Variants in KAT6B observed in about 807,000 individuals in gnomAD.
The protein encoded by KAT6B is histone acetyltransferase KAT6B.
In KAT6B, 10 loss-of-function variants were observed where a neutral mutation model predicts 187.5. The ratio of observed to expected loss-of-function variants is 0.05; its 90% CI spans 0.03 to 0.09. The LOEUF (loss-of-function observed/expected upper bound fraction) is 0.09, where lower values mean the gene tolerates loss of function less well. Ranked by LOEUF, KAT6B falls within the 10% of genes least tolerant of loss-of-function variation. The pLI, the probability that KAT6B is intolerant of heterozygous loss-of-function variation, is 1.00. For missense variants in KAT6B, 1,952 were observed against 2,558.9 expected (o/e 0.76, Z 5.12); for synonymous variants, 861 against 926.8 (o/e 0.93, Z 1.29).
intron 3 of KAT6B, among the ~76,000 whole-genome samples, chr10:74,875,630 T>C (rs1209896681): frequency 6.6e-6 from 1 of 152,050 alleles, no homozygotes; most frequent in Non-Finnish European, 1.5e-5. Context: ...CACACCCGGC[T>C]AATTTTTGTA....
intron 3 of KAT6B, among the ~76,000 whole-genome samples, chr10:74,847,834 G>C (rs1842212043): frequency 6.6e-6 from 1 of 151,814 alleles, no homozygotes; most frequent in Non-Finnish European, 1.5e-5. Context: ...AAATGAACTT[G>C]GGTGGGTATC....
At chr10:74,902,734 CTG>C (rs1055753325) in intron 3 of KAT6B, among the ~76,000 whole-genome samples, 1 of 152,166 alleles carries the variant, frequency 6.6e-6, no homozygotes, top group African/African-American at 2.4e-5. Context: ...ACGTTAAAAA[CTG>C]TGGTAATTTG....
chr10:75,018,904 C>A (rs909881935), intron 13 of KAT6B, among the ~76,000 whole-genome samples: 1 of 152,132 alleles, frequency 6.6e-6, no homozygotes, highest in East Asian at 1.9e-4. Context: ...AAAGCTGGGA[C>A]CCCCCAGCCT....
intron 1 of KAT6B, among the ~76,000 whole-genome samples, chr10:74,831,363 T>C (rs1318069742): frequency 6.6e-6 from 1 of 152,222 alleles, no homozygotes; most frequent in Non-Finnish European, 1.5e-5. Context: ...TTAGTGCCTT[T>C]TGTGTCTTGT....
chr10:74,917,961 C>T (rs1847817922), intron 3 of KAT6B, among the ~76,000 whole-genome samples: 2 of 152,120 alleles, frequency 1.3e-5, no homozygotes, highest in Non-Finnish European at 2.9e-5. Context: ...TTTTTCATTA[C>T]TTTTTATTAA....
intron 3 of KAT6B, among the ~76,000 whole-genome samples, chr10:74,919,421 A>G (rs1320752141): frequency 6.6e-6 from 1 of 151,772 alleles, no homozygotes; most frequent in Non-Finnish European, 1.5e-5. Flanking sequence ...TTTTTTTGAG[A>G]TGAAGTCTTG....
intron 11 of KAT6B, chr10:74,982,161 A>C (rs966590058): frequency 2.9e-5 from 14 of 491,042 alleles, no homozygotes; most frequent in African/African-American, 3.9e-5. Flanking sequence ...TGTCTTCCCC[A>C]AAATCCCTGT....
chr10:74,872,622 C>T (rs1052560972), intron 3 of KAT6B, among the ~76,000 whole-genome samples: 2 of 152,098 alleles, frequency 1.3e-5, no homozygotes, highest in African/African-American at 2.4e-5. Context: ...AAGCGATCCT[C>T]CCACCTCAGG....
rs534370638 is a variant in KAT6B at position 75,029,295 on chromosome 10, G to A, written c.4471G>A (p.Glu1491Lys). 1 of 1,614,126 alleles carries A rather than the reference G, an allele frequency of 6.2e-7. No individual in the cohort carries two copies. Among genetic ancestry groups the A allele is most frequent in the Admixed American group, 1.7e-5 (1 of 60,018 alleles). Residue 1491 changes from glutamate (E) to lysine (K), a missense_variant, in exon 18 of 18, where the codon GAG becomes AAG. Physicochemically the swap from Glu to Lys is moderately conservative, Grantham distance 56. This residue lies in a region of KAT6B where 758 missense variants were observed against 891.4 expected (regional missense o/e 0.85). Coordinates refer to ENST00000287239, the MANE Select transcript of KAT6B (RefSeq NM_012330.4). The surrounding 1 kb of genome is among the most constrained non-coding windows in gnomAD (Gnocchi z 6.2). ...LTASCNSEPK[E>K]LAGDPEAVPE... ...AGCTTCTTGTAACAGTGAGCCCAAGGAGCTTGCTGGGGACCCTGAAGCTGT... is the reference window on the plus strand; with the variant it reads ...AGCTTCTTGTAACAGTGAGCCCAAGAAGCTTGCTGGGGACCCTGAAGCTGT...
rs776782389 is a variant in KAT6B at position 74,960,090 on chromosome 10, T to G, written c.730+12T>G. On this transcript the variant is annotated intron_variant, in intron 4 of 17. Transcript: ENST00000287239. ...TTGTGGCAGTAGTGGTAAGTTGTGT[T>G]TTTCCTATGTGTTGTACAATGACTT... 6.7e-7 allele frequency: 1 copy of G among 1,492,184 alleles called. No individual in the cohort carries two copies. Among genetic ancestry groups the G allele is most frequent in the Non-Finnish European group, 9.4e-7 (1 of 1,068,912 alleles). The allele number at this position is 1,492,184 out of a possible 1,614,324, so 92.4% of individuals were successfully genotyped here.
intron 4 of KAT6B, among the ~76,000 whole-genome samples, chr10:74,962,790 CTG>C (rs1215980003): frequency 6.6e-6 from 1 of 151,804 alleles, no homozygotes; most frequent in African/African-American, 2.4e-5. Flanking sequence ...AGAAATTTAT[CTG>C]TTTTTAAAGG....
chr10:74,903,921 ATTTG>A (rs1418534331), intron 3 of KAT6B, among the ~76,000 whole-genome samples: 3 of 152,156 alleles, frequency 2.0e-5, no homozygotes, highest in African/African-American at 7.2e-5. Flanking sequence ...CAGCATATTT[ATTTG>A]TTTATTTACC....
chr10:75,022,242 G>A lies in KAT6B; in HGVS notation c.3372+11G>A, dbSNP rs753960861. ...GCCATAAAGAGAAAGGTAGGTGTCT[G>A]TTTAGATTTTCTGTGAGTCGCGTTC... On this transcript the variant is annotated intron_variant, in intron 16 of 17. Coordinates refer to ENST00000287239, the MANE Select transcript of KAT6B (RefSeq NM_012330.4). 5.6e-5 allele frequency: 91 copies of A among 1,612,956 alleles called. No individual in the cohort carries two copies. Among genetic ancestry groups the A allele is most frequent in the Non-Finnish European group, 7.2e-5 (85 of 1,179,986 alleles).
At chr10:74,848,524 A>G (rs1447420052) in intron 3 of KAT6B, among the ~76,000 whole-genome samples, 1 of 150,104 alleles carries the variant, frequency 6.7e-6, no homozygotes, top group Middle Eastern at 3.2e-3. Context: ...AACAAGAACA[A>G]CAACAACAAC....
intron 2 of KAT6B, 80 bp downstream of exon 2, chr10:74,838,832 A>G (rs947134443): frequency 1.3e-5 from 2 of 152,212 alleles, no homozygotes; most frequent in East Asian, 1.9e-4. Context: ...GATATAAACA[A>G]TTGTTTTATG....
chr10:74,830,695 C>T (rs1253860129), intron 1 of KAT6B, among the ~76,000 whole-genome samples: 11 of 105,842 alleles, frequency 1.0e-4, no homozygotes, highest in Admixed American at 9.3e-4. Context: ...GTAAATTTTG[C>T]GTTTACCTGA....
Position 74,989,009 on chromosome 10 carries a change from C to G in KAT6B, c.2536-10C>G. ...CTCTGACATACTTGATCTGTTTCTC[C>G]TTCCCTCAGGAAAAGCTTTGCCAGC... On this transcript the variant is annotated splice_polypyrimidine_tract_variant and intron_variant, in intron 12 of 17. Transcript: ENST00000287239. The G allele has an allele frequency of 5.6e-6, 9 of 1,597,694 alleles. No individual in the cohort carries two copies. Among genetic ancestry groups the G allele is most frequent in the Non-Finnish European group, 7.7e-6 (9 of 1,165,038 alleles).
At chr10:74,828,473 A>C (rs1840445023) in intron 1 of KAT6B, among the ~76,000 whole-genome samples, 2 of 149,100 alleles carry the variant, frequency 1.3e-5, no homozygotes, top group Admixed American at 1.3e-4. Flanking sequence ...TTTTTTTTAA[A>C]GTGCATTCTT....
chr10:75,017,776 G>A (rs1388567133), intron 13 of KAT6B, among the ~76,000 whole-genome samples: 4 of 152,358 alleles, frequency 2.6e-5, no homozygotes, highest in South Asian at 2.1e-4. Context: ...CACCAAGCAC[G>A]CCAGTGGAGT....
Sources: gnomAD v4.1 joint callset for allele counts (sites outside exome capture counted in the v4.1 genomes callset) on GRCh38, gnomAD v4.1.1 for gene constraint, gnomAD v4.1.1 regional missense constraint, Gnocchi (gnomAD v3.1) non-coding constraint, MANE v1.5 for transcripts, NCBI Gene and HGNC (gene_info 2026-07-23, HGNC 2026-07-21) for gene names.